MVB12A: variants seen among roughly 807,000 people sequenced by gnomAD.
MVB12A encodes CIN85/CD2AP family binding protein.
In MVB12A, 30 loss-of-function variants were observed where a neutral mutation model predicts 34.3. The ratio of observed to expected loss-of-function variants is 0.88; its 90% CI spans 0.65 to 1.19. MVB12A has a LOEUF of 1.19. MVB12A is among the 50% of genes most tolerant of loss of function. MVB12A has a pLI of 0.00. For missense variants in MVB12A, 355 were observed against 369.2 expected, an observed-to-expected ratio of 0.96 and a Z score of 0.31; for synonymous variants, 158 against 158.9, an observed-to-expected ratio of 0.99 and a Z score of 0.04.
intron 2 of MVB12A, among the ~76,000 whole-genome samples, chr19:17,410,557 CATATATAT>C (rs1275877106): frequency 8.0e-6 from 1 of 125,566 alleles, no homozygotes; most frequent in Non-Finnish European, 1.6e-5. Flanking sequence ...TATACACACA[CATATATAT>C]ACATATATAT....
At chr19:17,410,529 TACACACACAC>T (rs1185077317) in intron 2 of MVB12A, among the ~76,000 whole-genome samples, 110 of 74,000 alleles carry the variant, frequency 1.5e-3, no homozygotes, top group South Asian at 3.3e-3. Context: ...TATATATATA[TACACACACAC>T]ATATATATAT....
chr19:17,418,576 T>C, upstream of MVB12A, among the ~76,000 whole-genome samples: 1 of 151,192 alleles, frequency 6.6e-6, no homozygotes, highest in Non-Finnish European at 1.5e-5. Context: ...GTACTTTTAG[T>C]AGAAACGGGG....
Position 17,420,612 on chromosome 19 carries a change from C to G in MVB12A, c.264C>G (p.Pro88=), listed in dbSNP as rs771227568. 6 of 1,612,694 alleles carry G rather than the reference C, an allele frequency of 3.7e-6. No homozygotes were observed. The highest frequency in any genetic ancestry group is 1.6e-4 in the Middle Eastern group (1 of 6,078). Residue 88 remains proline (P), a synonymous_variant, in exon 3 of 9, where the codon CCC becomes CCG. Transcript: ENST00000317040. The stretch of plus-strand genomic sequence containing the variant: ...GCCCCCTGCCGCTGGGCTTCTCCCC[C>G]GTCTGCGACCCCATGGATTCCAGTA... The part of the protein sequence containing the change: ...DKSPLPLGFS[P]VCDPMDSKAS...
intron 2 of MVB12A, among the ~76,000 whole-genome samples, chr19:17,407,492 C>T (rs1568386211): frequency 6.6e-6 from 1 of 152,090 alleles, no homozygotes; most frequent in South Asian, 2.1e-4. Context: ...ACGTGGGTCA[C>T]GTGTCCACTG....
At position 17,407,351 on chromosome 19, in the gene MVB12A, G is replaced by A. The variant is rs1018540066; in HGVS notation, c.-5+1055G>A. Reference sequence around the variant, plus strand: ...GATAAAAGAAAAGACAGCTGGGCCCGGGGGACCACTACCAGCAATGCGCGG... The same window carrying A: ...GATAAAAGAAAAGACAGCTGGGCCCAGGGGACCACTACCAGCAATGCGCGG... On this transcript the variant is annotated intron_variant, in intron 2 of 6. Coordinates refer to the MVB12A transcript ENST00000528604. Among the ~76,000 whole-genome samples, 9 of 152,100 alleles carry A rather than the reference G, an allele frequency of 5.9e-5. No individual in the cohort carries two copies. The South Asian group carries it at 1.5e-3, about 25-fold the overall frequency.
chr19:17,409,292 A>C (rs1353767091), intron 2 of MVB12A, among the ~76,000 whole-genome samples: 1 of 141,550 alleles, frequency 7.1e-6, no homozygotes, highest in Non-Finnish European at 1.5e-5. Context: ...CACCATGCCC[A>C]GCTACTTTTT....
chr19:17,423,462 G>T (rs548330613), intron 4 of MVB12A, 36 bp from the exon 5 acceptor site: 2 of 1,603,192 alleles, frequency 1.2e-6, no homozygotes, highest in Non-Finnish European at 8.5e-7. Context: ...GCCCCACACC[G>T]GGCCAGCATC....
At chr19:17,407,870 C>A (rs978049553) in intron 2 of MVB12A, among the ~76,000 whole-genome samples, 16 of 152,354 alleles carry the variant, frequency 1.1e-4, no homozygotes, top group Admixed American at 2.0e-4. Flanking sequence ...ACACTTTTCG[C>A]TACCGCTAGA....
At chr19:17,420,976 C>G in intron 3 of MVB12A, 3 of 510,134 alleles carry the variant, frequency 5.9e-6, no homozygotes, top group Non-Finnish European at 1.1e-5. Flanking sequence ...GCACACGCCG[C>G]TTCCTCTGCC....
chr19:17,423,861 A>G (rs2074854037), intron 6 of MVB12A, 62 bp downstream of exon 6: 4 of 1,577,932 alleles, frequency 2.5e-6, no homozygotes, highest in Non-Finnish European at 3.5e-6. Context: ...TTGAGATTAC[A>G]CAACCAGGAA....
chr19:17,425,097 T>C lies in MVB12A; in HGVS notation c.*104T>C. The stretch of plus-strand genomic sequence containing the variant: ...GGGGCCACCCCCACTCACTGCATCC[T>C]GGGAACCTTCGCCCTGCAAGGCGTT... On this transcript the variant is annotated 3_prime_UTR_variant, in exon 9 of 9. Transcript: ENST00000317040. The C allele has an allele frequency of 1.5e-6, 1 of 659,260 alleles. No homozygotes were observed. Among genetic ancestry groups the C allele is most frequent in the Non-Finnish European group, 2.7e-6 (1 of 373,518 alleles). 40.8% of individuals were successfully genotyped at this position (659,260 alleles called of 1,614,324 possible).
chr19:17,423,123 C>T lies in MVB12A; in HGVS notation c.414-375C>T, dbSNP rs111522643. ...GTCCCAGCACTTTGGAAGGCCAAGG[C>T]GGGCGGATCACCTGAGGTCAGGAGT... On this transcript the variant is annotated intron_variant, in intron 4 of 8. Coordinates refer to ENST00000317040, the MANE Select transcript of MVB12A (RefSeq NM_138401.4). Among the ~76,000 whole-genome samples, 581 of 146,368 alleles carry T rather than the reference C, an allele frequency of 4.0e-3. 3 individuals are homozygous for T. Among genetic ancestry groups the T allele is most frequent in the African/African-American group, 0.014 (548 of 39,548 alleles).
chr19:17,415,662 G>A (rs1207120813), upstream of MVB12A: 1 of 152,210 alleles, frequency 6.6e-6, no homozygotes, highest in African/African-American at 2.4e-5. Flanking sequence ...CCCCTTCCTC[G>A]GGGCCGAGAG....
rs2074829650 is a variant in MVB12A at position 17,420,301 on chromosome 19, T to C, written c.91-12T>C. On this transcript the variant is annotated splice_polypyrimidine_tract_variant and intron_variant, in intron 1 of 8. Transcript: ENST00000317040. ...GGTGGGAGTCCGGCGCTGACCCGCG[T>C]CCTCCCGGTAGATCTCCTGCACCGT... The C allele has an allele frequency of 1.9e-6, 3 of 1,580,824 alleles. No individual in the cohort carries two copies. The African/African-American group carries it at 4.1e-5, about 22-fold the overall frequency.
At chr19:17,410,609 T>C (rs113169424) in intron 2 of MVB12A, among the ~76,000 whole-genome samples, 6,924 of 141,868 alleles carry the variant, frequency 0.049, 248 homozygotes, top group Non-Finnish European at 0.08. Context: ...TATATACACA[T>C]ATATATATAT....
At chr19:17,424,307 C>T (rs567098430) in intron 7 of MVB12A, among the ~76,000 whole-genome samples, 2 of 152,146 alleles carry the variant, frequency 1.3e-5, no homozygotes, top group East Asian at 3.9e-4. Flanking sequence ...GGATGCTGGG[C>T]ATGGTGGCTC....
chr19:17,419,078 A>C (rs1210841710), upstream of MVB12A: 1 of 152,150 alleles, frequency 6.6e-6, no homozygotes, highest in African/African-American at 2.4e-5. Context: ...TCCTTCTCTT[A>C]AAAGAAAATC....
chr19:17,410,494 CTTCATATA>C (rs1407530663), intron 2 of MVB12A, among the ~76,000 whole-genome samples: 3 of 14,320 alleles, frequency 2.1e-4, no homozygotes, highest in African/African-American at 8.6e-4. Context: ...TTGGTTTTAG[CTTCATATA>C]TATATATATA....
chr19:17,424,962 C>T lies in MVB12A; in HGVS notation c.791C>T (p.Ala264Val), dbSNP rs750431079. The T allele has an allele frequency of 9.3e-6, 15 of 1,610,670 alleles. No homozygotes were observed. Among genetic ancestry groups the T allele is most frequent in the Non-Finnish European group, 8.5e-6 (10 of 1,178,196 alleles). The change falls in exon 9 of 9, where the codon GCG (alanine) becomes GTG (valine). Residue 264 changes from alanine to valine, a missense_variant. By Grantham distance (64) the Ala-to-Val change is moderately conservative. Transcript: ENST00000317040. Reference protein sequence around the residue: ...YNYGFVVEKTAAARLPPSVS With the variant: ...YNYGFVVEKTVAARLPPSVS ...TACGGCTTCGTGGTGGAGAAGACCG[C>T]GGCTGCCCGCCTGCCCCCCAGCGTC... is the stretch of plus-strand genomic sequence containing the variant.
Sources: gnomAD v4.1 joint callset for allele counts (sites outside exome capture counted in the v4.1 genomes callset) on GRCh38, gnomAD v4.1.1 for gene constraint, MANE v1.5 for transcripts, NCBI Gene and HGNC (gene_info 2026-07-23, HGNC 2026-07-21) for gene names.